Variants in VRK2 observed in about 807,000 individuals in gnomAD.
VRK2 encodes the protein serine/threonine-protein kinase VRK2.
In VRK2, 60 loss-of-function variants were observed where a neutral mutation model predicts 57.6. That is an observed-to-expected ratio of 1.04 (90% confidence interval 0.85 to 1.29). VRK2 has a LOEUF of 1.29. Among genes scored for constraint, VRK2 ranks in the 50% most tolerant of loss-of-function variants. The probability of loss-of-function intolerance (pLI) is 0.00; values close to 1 mark genes in which losing one functional copy is unlikely to be tolerated. For missense variants in VRK2, 705 were observed against 588.1 expected, an observed-to-expected ratio of 1.20 and a Z score of -2.06; for synonymous variants, 231 against 199.2, an observed-to-expected ratio of 1.16 and a Z score of -1.35.
intron 1 of VRK2, among the ~76,000 whole-genome samples, chr2:58,010,641 G>A (rs1673391486): frequency 6.6e-6 from 1 of 152,094 alleles, no homozygotes; most frequent in Admixed American, 6.5e-5. Context: ...TCTCCTACCT[G>A]TCAGAGGCAC....
intron 1 of VRK2, among the ~76,000 whole-genome samples, chr2:57,930,422 G>A (rs542814419): frequency 7.2e-5 from 11 of 152,252 alleles, no homozygotes; most frequent in South Asian, 2.1e-4. Flanking sequence ...TCTGGGCCAC[G>A]CAGCCACTGC....
intron 7 of VRK2, among the ~76,000 whole-genome samples, chr2:58,104,800 C>A (rs1376119667): frequency 1.3e-5 from 2 of 151,864 alleles, no homozygotes; most frequent in African/African-American, 4.8e-5. Flanking sequence ...CATTACCTGA[C>A]CACAAATTAT....
At chr2:58,130,518 C>T (rs560454071) in intron 8 of VRK2, among the ~76,000 whole-genome samples, 1 of 152,148 alleles carries the variant, frequency 6.6e-6, no homozygotes, top group African/African-American at 2.4e-5. Flanking sequence ...TAATCCAATA[C>T]GCTAATAGCA....
intron 1 of VRK2, among the ~76,000 whole-genome samples, chr2:57,952,337 A>G (rs527326191): frequency 6.6e-6 from 1 of 152,278 alleles, no homozygotes; most frequent in African/African-American, 2.4e-5. Flanking sequence ...GGGAAATGCA[A>G]TGTCTTCTCC....
At chr2:57,920,849 A>G (rs771781747) in intron 1 of VRK2, among the ~76,000 whole-genome samples, 3 of 152,122 alleles carry the variant, frequency 2.0e-5, no homozygotes, top group Non-Finnish European at 2.9e-5. Context: ...TGCCTCAATC[A>G]TCCACTTAAA....
intron 1 of VRK2, among the ~76,000 whole-genome samples, chr2:57,931,460 T>C (rs1451415138): frequency 1.3e-5 from 2 of 152,198 alleles, no homozygotes; most frequent in Non-Finnish European, 2.9e-5. Context: ...CAATTTTTAA[T>C]GTTTACTTGA....
At chr2:57,941,351 G>A (rs1378296642) in intron 1 of VRK2, among the ~76,000 whole-genome samples, 1 of 152,118 alleles carries the variant, frequency 6.6e-6, no homozygotes, top group Non-Finnish European at 1.5e-5. Context: ...GATATTGTGA[G>A]CAGGATGGCT....
chr2:58,137,223 T>TTATA (rs1558687321), intron 10 of VRK2, among the ~76,000 whole-genome samples: 1 of 19,884 alleles, frequency 5.0e-5, no homozygotes, highest in Non-Finnish European at 1.2e-4. Flanking sequence ...TACATATATA[T>TTATA]CATATGATAC....
At chr2:58,132,852 C>A (rs992667731) in intron 9 of VRK2, among the ~76,000 whole-genome samples, 3 of 152,086 alleles carry the variant, frequency 2.0e-5, no homozygotes, top group Non-Finnish European at 4.4e-5. Flanking sequence ...AACATTTCTC[C>A]ACTCAGAATT....
intron 3 of VRK2, among the ~76,000 whole-genome samples, chr2:58,035,926 T>C (rs764721089): frequency 7.9e-5 from 12 of 152,110 alleles, no homozygotes; most frequent in East Asian, 1.9e-4. Context: ...TTTTGAACTA[T>C]ATAAATGGGG....
intron 2 of VRK2, chr2:58,058,543 C>A: frequency 2.7e-6 from 1 of 367,390 alleles, no homozygotes; most frequent in Non-Finnish European, 5.5e-6. Flanking sequence ...CAAAGTCTCA[C>A]TGATGAGGCC....
chr2:58,071,699 G>A (rs1418505050), intron 2 of VRK2, among the ~76,000 whole-genome samples: 1 of 151,902 alleles, frequency 6.6e-6, no homozygotes, highest in African/African-American at 2.4e-5. Flanking sequence ...ATTGTTTATA[G>A]AAAGCTTTGA....
intron 7 of VRK2, among the ~76,000 whole-genome samples, chr2:58,104,100 A>G (rs1674404241): frequency 6.6e-6 from 1 of 151,812 alleles, no homozygotes; most frequent in African/African-American, 2.4e-5. Context: ...ATATATGCCA[A>G]CATCATACTA....
At chr2:58,035,807 G>C (rs1476700521) in intron 3 of VRK2, among the ~76,000 whole-genome samples, 1 of 152,004 alleles carries the variant, frequency 6.6e-6, no homozygotes, top group Non-Finnish European at 1.5e-5. Context: ...CATCAGATGA[G>C]ACCCAACCAC....
Position 58,146,443 on chromosome 2 carries a change from TGATTG to T in VRK2, c.1157_1161del (p.Gly386AspfsTer4), listed in dbSNP as rs866371525. Reference sequence around the variant, plus strand: ...TGGAAAGTGCAGAAAGAGGAGAAACTGATTGGATTGATGAACAATGAAGCAGCTCA... The same window carrying T: ...TGGAAAGTGCAGAAAGAGGAGAAACTGATTGATGAACAATGAAGCAGCTCA... On this transcript the variant is annotated frameshift_variant, in exon 12 of 13. Transcript: ENST00000340157. LOFTEE classifies it low-confidence loss of function (END_TRUNC). The T allele has an allele frequency of 8.1e-6, 13 of 1,610,832 alleles. No homozygotes were observed. In the African/African-American group the frequency reaches 1.5e-4, roughly 18 times the overall value.
intron 1 of VRK2, among the ~76,000 whole-genome samples, chr2:57,908,265 T>C (rs1669886512): frequency 6.6e-6 from 1 of 152,222 alleles, no homozygotes; most frequent in South Asian, 2.1e-4. Context: ...GATTTAAAGA[T>C]GTTGCTTTGC....
intron 1 of VRK2, among the ~76,000 whole-genome samples, chr2:58,023,583 G>A (rs1323224576): frequency 1.3e-5 from 2 of 151,036 alleles, no homozygotes; most frequent in Admixed American, 1.3e-4. Context: ...CCTACCCTCT[G>A]CCTAAAAATT....
At chr2:58,128,573 C>A (rs977081122) in intron 8 of VRK2, among the ~76,000 whole-genome samples, 102 of 152,144 alleles carry the variant, frequency 6.7e-4, no homozygotes, top group African/African-American at 2.4e-3. Flanking sequence ...CTCAGGTGAT[C>A]TGCCCACCTC....
rs370167831 is a variant in VRK2 at position 58,111,051 on chromosome 2, A to C, written c.544-12050A>C. The stretch of plus-strand genomic sequence containing the variant: ...TTCTTTCTTGATGGGATTACACCTC[A>C]GTGGCTGCAACACTACATTTTCAAT... On this transcript the variant is annotated intron_variant, in intron 7 of 12. Coordinates refer to ENST00000340157, the MANE Select transcript of VRK2 (RefSeq NM_006296.7). Among the ~76,000 whole-genome samples, 49 of 152,284 alleles carry C rather than the reference A, an allele frequency of 3.2e-4. No homozygotes were observed. The South Asian group carries it at 9.5e-3, about 30-fold the overall frequency.
Sources: gnomAD v4.1 joint callset for allele counts (sites outside exome capture counted in the v4.1 genomes callset) on GRCh38, gnomAD v4.1.1 for gene constraint, MANE v1.5 for transcripts, NCBI Gene and HGNC (gene_info 2026-07-23, HGNC 2026-07-21) for gene names.